PLPPR1: variants seen among roughly 807,000 people sequenced by gnomAD.
PLPPR1 encodes the protein phospholipid phosphatase-related protein type 1.
A neutral mutation model predicts 33.1 loss-of-function variants in PLPPR1; 10 were observed. That is an observed-to-expected ratio of 0.30 (90% CI 0.19 to 0.51). The LOEUF (loss-of-function observed/expected upper bound fraction) is 0.51, where lower values mean the gene tolerates loss of function less well. Among genes scored for constraint, PLPPR1 ranks in the 20% least tolerant of loss-of-function variants. The probability of loss-of-function intolerance (pLI) is 0.97; values close to 1 mark genes in which losing one functional copy is unlikely to be tolerated. For missense variants in PLPPR1, 304 were observed against 408.1 expected (o/e 0.74, Z 2.20); for synonymous variants, 151 against 151.0 (o/e 1.00, Z 0.00).
chr9:101,231,797 GTC>G (rs373846423), intron 2 of PLPPR1, among the ~76,000 whole-genome samples: 4 of 152,144 alleles, frequency 2.6e-5, no homozygotes, highest in African/African-American at 7.2e-5. Context: ...CTTTAAAGTA[GTC>G]GATTTTCCTT....
At chr9:101,250,064 T>G (rs1827689804) in intron 2 of PLPPR1, among the ~76,000 whole-genome samples, 1 of 152,096 alleles carries the variant, frequency 6.6e-6, no homozygotes, top group South Asian at 2.1e-4. Flanking sequence ...ATGATAAAAA[T>G]GTTTTTTAAA....
chr9:101,038,808 G>A (rs1463685808), intron 1 of PLPPR1, among the ~76,000 whole-genome samples: 1 of 149,290 alleles, frequency 6.7e-6, no homozygotes, highest in East Asian at 2.0e-4. Flanking sequence ...CCATCCTCCC[G>A]CCCATCCCTG....
chr9:101,046,787 T>C (rs552300871), intron 1 of PLPPR1, among the ~76,000 whole-genome samples: 220 of 152,226 alleles, frequency 1.4e-3, no homozygotes, highest in Non-Finnish European at 2.6e-3. Flanking sequence ...TCCTTTAATC[T>C]CTCAGTGTTT....
chr9:101,114,270 C>A (rs1413097362), intron 1 of PLPPR1, among the ~76,000 whole-genome samples: 1 of 152,116 alleles, frequency 6.6e-6, no homozygotes, highest in African/African-American at 2.4e-5. Context: ...TACTATCATC[C>A]CCAACATAAA....
At chr9:101,257,352 C>G (rs1827820541) in intron 2 of PLPPR1, among the ~76,000 whole-genome samples, 1 of 152,154 alleles carries the variant, frequency 6.6e-6, no homozygotes, top group Non-Finnish European at 1.5e-5. Flanking sequence ...ATGTCCCAAA[C>G]AGTTTCATAT....
At chr9:101,080,697 T>C (rs1461149581) in intron 1 of PLPPR1, among the ~76,000 whole-genome samples, 1 of 152,154 alleles carries the variant, frequency 6.6e-6, no homozygotes, top group Admixed American at 6.5e-5. Context: ...CTCCGGGAAC[T>C]GAGAGATGGA....
chr9:101,044,593 A>G (rs1830122779), intron 1 of PLPPR1, among the ~76,000 whole-genome samples: 2 of 152,238 alleles, frequency 1.3e-5, no homozygotes, highest in South Asian at 2.1e-4. Context: ...ACAAGTACTC[A>G]TTAATACGTT....
intron 4 of PLPPR1, among the ~76,000 whole-genome samples, chr9:101,301,808 T>C (rs1828758508): frequency 6.6e-6 from 1 of 152,246 alleles, no homozygotes; most frequent in African/African-American, 2.4e-5. Context: ...TGACATATCA[T>C]AGATATTCAA....
At chr9:101,139,343 G>A (rs1380978307) in intron 1 of PLPPR1, among the ~76,000 whole-genome samples, 1 of 152,182 alleles carries the variant, frequency 6.6e-6, no homozygotes, top group East Asian at 1.9e-4. Context: ...AATGAGGGGT[G>A]TGTGCTTAAA....
chr9:101,115,715 T>C (rs1255071312), intron 1 of PLPPR1, among the ~76,000 whole-genome samples: 1 of 152,214 alleles, frequency 6.6e-6, no homozygotes, highest in Non-Finnish European at 1.5e-5. Context: ...TACACTTAGC[T>C]GCATCCCATT....
intron 2 of PLPPR1, among the ~76,000 whole-genome samples, chr9:101,223,867 A>G (rs1334144438): frequency 6.6e-6 from 1 of 152,216 alleles, no homozygotes; most frequent in East Asian, 1.9e-4. Context: ...TATGAAGTAC[A>G]TATATACATT....
intron 7 of PLPPR1, among the ~76,000 whole-genome samples, chr9:101,318,773 CAA>C (rs35086498): frequency 3.1e-4 from 46 of 149,522 alleles, no homozygotes; most frequent in African/African-American, 1.1e-3. Flanking sequence ...GACCCTATCT[CAA>C]AAAAAAACAA....
intron 5 of PLPPR1, 120 bp downstream of exon 5, chr9:101,309,581 T>A: frequency 9.0e-7 from 1 of 1,112,540 alleles, no homozygotes; most frequent in Non-Finnish European, 1.3e-6. Context: ...TATGGCATAT[T>A]TCTCTACATT....
intron 3 of PLPPR1, among the ~76,000 whole-genome samples, chr9:101,271,699 C>G (rs1403496116): frequency 6.6e-6 from 1 of 152,134 alleles, no homozygotes; most frequent in Non-Finnish European, 1.5e-5. Context: ...TGGGCTCAGT[C>G]TAGAATTGGG....
chr9:101,029,505 G>A (rs545872898), intron 1 of PLPPR1, among the ~76,000 whole-genome samples: 62 of 152,316 alleles, frequency 4.1e-4, no homozygotes, highest in African/African-American at 1.5e-3. Flanking sequence ...CTGATGCCAA[G>A]TCCTCCCACC....
chr9:101,047,698 T>C (rs1830170576), intron 1 of PLPPR1, among the ~76,000 whole-genome samples: 1 of 152,352 alleles, frequency 6.6e-6, no homozygotes, highest in African/African-American at 2.4e-5. Context: ...TATTTGATGC[T>C]CAGTACCTGT....
chr9:101,079,681 G>A (rs914471915), intron 1 of PLPPR1, among the ~76,000 whole-genome samples: 2 of 151,672 alleles, frequency 1.3e-5, no homozygotes, highest in African/African-American at 2.4e-5. Flanking sequence ...CCAGGTTCAC[G>A]CGATTCTCCT....
intron 4 of PLPPR1, among the ~76,000 whole-genome samples, chr9:101,300,673 G>A (rs1019065530): frequency 6.6e-5 from 10 of 152,104 alleles, no homozygotes; most frequent in Non-Finnish European, 1.0e-4. Context: ...CACAAAAGCC[G>A]AATTTGAAGC....
chr9:101,044,312 A>T (rs1407314618), intron 1 of PLPPR1, among the ~76,000 whole-genome samples: 1 of 151,950 alleles, frequency 6.6e-6, no homozygotes, highest in East Asian at 1.9e-4. Context: ...TGATCCCCAC[A>T]CTCTCCCCTA....
Sources: gnomAD v4.1 joint callset for allele counts (sites outside exome capture counted in the v4.1 genomes callset) on GRCh38, gnomAD v4.1.1 for gene constraint, MANE v1.5 for transcripts, NCBI Gene and HGNC (gene_info 2026-07-23, HGNC 2026-07-21) for gene names.